CTNNA2: variants seen among roughly 807,000 people sequenced by gnomAD.
CTNNA2 encodes catenin alpha-2.
Under a neutral mutation model 101.0 loss-of-function variants are expected in CTNNA2, and 42 were observed. That is an observed-to-expected ratio of 0.42 (90% CI 0.32 to 0.54). The LOEUF (loss-of-function observed/expected upper bound fraction) is 0.54. Ranked by LOEUF, CTNNA2 falls within the 20% of genes least tolerant of loss-of-function variation. CTNNA2 has a pLI of 0.14. For missense variants in CTNNA2, 871 were observed against 1,223.1 expected (o/e 0.71, Z 4.29); for synonymous variants, 450 against 456.4 (o/e 0.99, Z 0.18).
At chr2:80,581,284 T>A (rs929979626) in intron 13 of CTNNA2, among the ~76,000 whole-genome samples, 2 of 152,278 alleles carry the variant, frequency 1.3e-5, no homozygotes, top group East Asian at 3.9e-4. Context: ...AAATCAGATA[T>A]TCCATCAGGT....
intron 7 of CTNNA2, among the ~76,000 whole-genome samples, chr2:80,315,108 G>T (rs957154619): frequency 1.7e-4 from 26 of 152,142 alleles, no homozygotes; most frequent in African/African-American, 6.3e-4. Flanking sequence ...TTTCTACTAT[G>T]CCAGGGCAAA....
chr2:80,140,601 C>T (rs1050601208), intron 7 of CTNNA2, among the ~76,000 whole-genome samples: 1 of 152,124 alleles, frequency 6.6e-6, no homozygotes, highest in African/African-American at 2.4e-5. Flanking sequence ...TAATTACATG[C>T]AGTCATAAAT....
intron 4 of CTNNA2, among the ~76,000 whole-genome samples, chr2:79,418,311 T>TC (rs1458228320): frequency 1.3e-5 from 2 of 152,128 alleles, no homozygotes; most frequent in African/African-American, 4.8e-5. Flanking sequence ...CCTCTACTCC[T>TC]CCCAGCCTGG....
At chr2:79,944,190 G>A (rs1371767535) in intron 7 of CTNNA2, among the ~76,000 whole-genome samples, 2 of 151,828 alleles carry the variant, frequency 1.3e-5, no homozygotes, top group Admixed American at 6.6e-5. Context: ...GGATGGGAGG[G>A]TGGGAACTAG....
intron 7 of CTNNA2, among the ~76,000 whole-genome samples, chr2:80,287,383 A>C (rs1259098468): frequency 6.6e-6 from 1 of 152,188 alleles, no homozygotes; most frequent in East Asian, 1.9e-4. Context: ...ATACTACTTT[A>C]TATGATTCAT....
At chr2:79,882,107 T>C (rs1177284295) in intron 6 of CTNNA2, among the ~76,000 whole-genome samples, 1 of 152,228 alleles carries the variant, frequency 6.6e-6, no homozygotes, top group South Asian at 2.1e-4. Flanking sequence ...TGAAAATTCT[T>C]TTCTTTAAGA....
chr2:79,603,449 G>A (rs1677678919), intron 1 of CTNNA2, among the ~76,000 whole-genome samples: 1 of 152,076 alleles, frequency 6.6e-6, no homozygotes, highest in Non-Finnish European at 1.5e-5. Context: ...CAAAAACTAA[G>A]TGAAAAAAGT....
chr2:79,956,973 C>T (rs536016101), intron 7 of CTNNA2, among the ~76,000 whole-genome samples: 1 of 150,544 alleles, frequency 6.6e-6, no homozygotes, highest in East Asian at 2.0e-4. Context: ...CAGAGAATTC[C>T]ATGGAGAAAA....
intron 3 of CTNNA2, among the ~76,000 whole-genome samples, chr2:79,350,085 A>T (rs1677353515): frequency 2.6e-5 from 4 of 150,968 alleles, no homozygotes; most frequent in Non-Finnish European, 1.5e-5. Context: ...AAAAAAAAAA[A>T]AAAAAAAAAA....
intron 18 of CTNNA2, among the ~76,000 whole-genome samples, chr2:80,628,787 T>C (rs1671966786): frequency 6.6e-6 from 1 of 152,030 alleles, no homozygotes; most frequent in Admixed American, 6.5e-5. Context: ...TACTGGCAGA[T>C]AGAAGCTGCC....
intron 7 of CTNNA2, among the ~76,000 whole-genome samples, chr2:79,965,155 A>G (rs1258604032): frequency 6.6e-6 from 1 of 152,186 alleles, no homozygotes; most frequent in East Asian, 1.9e-4. Context: ...ATGGCATGTA[A>G]GTGACAAGCA....
chr2:79,871,851 G>A lies in CTNNA2; in HGVS notation c.585+1916G>A, dbSNP rs139337781. Among the ~76,000 whole-genome samples, 18 of 152,290 alleles carry A rather than the reference G, an allele frequency of 1.2e-4. No homozygotes were observed. In the East Asian group the frequency reaches 3.3e-3, roughly 28 times the overall value. On this transcript the variant is annotated intron_variant, in intron 5 of 18. Transcript: ENST00000402739. Reference sequence around the variant, plus strand: ...AGATGGAAACATGGGCCATCAGCATGTAGCTGACATTAAAAGCCACGAGAA... The same window carrying A: ...AGATGGAAACATGGGCCATCAGCATATAGCTGACATTAAAAGCCACGAGAA...
At chr2:79,735,120 A>C (rs995232317) in intron 2 of CTNNA2, among the ~76,000 whole-genome samples, 1 of 152,126 alleles carries the variant, frequency 6.6e-6, no homozygotes, top group African/African-American at 2.4e-5. Flanking sequence ...AGCAAACTAA[A>C]TGTTTCTCTC....
intron 7 of CTNNA2, among the ~76,000 whole-genome samples, chr2:79,951,193 C>T (rs1254943346): frequency 6.6e-6 from 1 of 152,122 alleles, no homozygotes; most frequent in Non-Finnish European, 1.5e-5. Flanking sequence ...CATTCTCCTG[C>T]AATAATAGTT....
intron 11 of CTNNA2, among the ~76,000 whole-genome samples, chr2:80,549,653 C>T (rs1692398418): frequency 1.3e-5 from 2 of 152,138 alleles, no homozygotes. Flanking sequence ...CCTTTTATTA[C>T]TATTTTCATC....
intron 3 of CTNNA2, among the ~76,000 whole-genome samples, chr2:79,362,276 T>C (rs1402865261): frequency 6.6e-6 from 1 of 152,200 alleles, no homozygotes; most frequent in Non-Finnish European, 1.5e-5. Context: ...CTCACGGTCA[T>C]AGCTTTTTTG....
At chr2:80,419,940 T>C (rs990116087) in intron 9 of CTNNA2, among the ~76,000 whole-genome samples, 1 of 146,030 alleles carries the variant, frequency 6.8e-6, no homozygotes, top group African/African-American at 2.5e-5. Flanking sequence ...AATTTCTGAA[T>C]GGAGGCCTAG....
At chr2:80,487,575 G>A (rs1234391701) in intron 9 of CTNNA2, among the ~76,000 whole-genome samples, 3 of 152,128 alleles carry the variant, frequency 2.0e-5, no homozygotes, top group Non-Finnish European at 4.4e-5. Flanking sequence ...ACTATCACGA[G>A]AATGGCATGG....
At chr2:80,136,504 G>T (rs1231651114) in intron 7 of CTNNA2, among the ~76,000 whole-genome samples, 1 of 152,104 alleles carries the variant, frequency 6.6e-6, no homozygotes, top group Non-Finnish European at 1.5e-5. Flanking sequence ...TCTTTCTTAT[G>T]CAGTTTCCTC....
Sources: allele counts gnomAD v4.1 joint callset (sites outside exome capture counted in the v4.1 genomes callset), GRCh38; gene constraint gnomAD v4.1.1; transcripts MANE v1.5; gene names NCBI Gene and HGNC (gene_info 2026-07-23, HGNC 2026-07-21).